Variants in ANKRD44 observed in about 807,000 individuals in gnomAD.
ANKRD44 encodes serine/threonine-protein phosphatase 6 regulatory ankyrin repeat subunit B.
A neutral mutation model predicts 116.0 loss-of-function variants in ANKRD44; 35 were observed. That is an observed-to-expected ratio of 0.30 (90% confidence interval 0.23 to 0.40). The LOEUF is 0.40. Ranked by LOEUF, ANKRD44 falls within the 10% of genes least tolerant of loss-of-function variation. The pLI, the probability that ANKRD44 is intolerant of heterozygous loss-of-function variation, is 1.00. For synonymous variants in ANKRD44, 435 were observed against 461.8 expected, an observed-to-expected ratio of 0.94 and a Z score of 0.74; for missense variants, 1,014 against 1,242.6, an observed-to-expected ratio of 0.82 and a Z score of 2.77.
At chr2:197,245,735 T>G (rs1229445551) in intron 1 of ANKRD44, among the ~76,000 whole-genome samples, 1 of 152,204 alleles carries the variant, frequency 6.6e-6, no homozygotes, top group African/African-American at 2.4e-5. Flanking sequence ...TATGTATTAC[T>G]CTATTACTCT....
intron 16 of ANKRD44, among the ~76,000 whole-genome samples, chr2:197,067,342 C>T (rs2077456087): frequency 6.6e-6 from 1 of 152,178 alleles, no homozygotes; most frequent in Non-Finnish European, 1.5e-5. Flanking sequence ...AGAAGAAAAC[C>T]TAGGCAATGC....
At chr2:197,227,802 C>T (rs565685531) in intron 1 of ANKRD44, among the ~76,000 whole-genome samples, 1 of 152,156 alleles carries the variant, frequency 6.6e-6, no homozygotes, top group African/African-American at 2.4e-5. Flanking sequence ...ATAGGTAAAG[C>T]TCAGATAATA....
intron 18 of ANKRD44, 74 bp from the exon 19 acceptor site, chr2:197,009,105 T>G: frequency 7.7e-7 from 1 of 1,292,302 alleles, no homozygotes; most frequent in Non-Finnish European, 1.1e-6. Flanking sequence ...ACTTTTTCTT[T>G]TTTTTGAGAT....
intron 2 of ANKRD44, among the ~76,000 whole-genome samples, chr2:197,163,553 A>G (rs2080021336): frequency 6.6e-6 from 1 of 152,226 alleles, no homozygotes; most frequent in Non-Finnish European, 1.5e-5. Context: ...GGTGTGGAAC[A>G]TTTCCAGGCG....
intron 1 of ANKRD44, among the ~76,000 whole-genome samples, chr2:197,192,936 G>A (rs190093608): frequency 7.2e-5 from 11 of 152,260 alleles, no homozygotes; most frequent in Admixed American, 5.2e-4. Flanking sequence ...GTCTGAAAAT[G>A]TCTCCTACAG....
At chr2:197,283,354 T>C (rs2083318218) in intron 1 of ANKRD44, among the ~76,000 whole-genome samples, 1 of 152,244 alleles carries the variant, frequency 6.6e-6, no homozygotes, top group Admixed American at 6.5e-5. Flanking sequence ...TAAATATTTA[T>C]TGAGTTCTAT....
At chr2:197,006,014 G>A in intron 20 of ANKRD44, 104 bp from the exon 21 acceptor site, 1 of 1,025,942 alleles carries the variant, frequency 9.7e-7, no homozygotes. Context: ...CATATGCCTG[G>A]GTCTTTAAGG....
chr2:197,045,512 G>C (rs552820444), intron 16 of ANKRD44, among the ~76,000 whole-genome samples: 3 of 152,030 alleles, frequency 2.0e-5, no homozygotes, highest in Admixed American at 2.0e-4. Flanking sequence ...TAGCCTAAAA[G>C]CTCCTAAATT....
chr2:197,125,543 T>A, intron 5 of ANKRD44, 75 bp from the exon 6 acceptor site: 1 of 1,333,030 alleles, frequency 7.5e-7, no homozygotes, highest in South Asian at 1.2e-5. Flanking sequence ...GCAGATGATC[T>A]GAGCCAAATT....
At chr2:197,041,446 T>C (rs76520878) in intron 16 of ANKRD44, among the ~76,000 whole-genome samples, 12,663 of 152,168 alleles carry the variant, frequency 0.083, 693 homozygotes, top group African/African-American at 0.15. Flanking sequence ...CTATAGGCCT[T>C]GGCTCAAGCA....
At chr2:196,992,923 A>G (rs1440018241) in intron 27 of ANKRD44, 1 of 152,538 alleles carries the variant, frequency 6.6e-6, no homozygotes, top group Admixed American at 6.5e-5. Flanking sequence ...TTGCTCCCCA[A>G]GGTTAATAGG....
chr2:197,222,260 AGAAGAGGAGGAGGAGG>A (rs1293056821), intron 1 of ANKRD44, among the ~76,000 whole-genome samples: 2 of 152,150 alleles, frequency 1.3e-5, no homozygotes, highest in Non-Finnish European at 2.9e-5. Context: ...AGCAGACTCA[AGAAGAGGAGGAGGAGG>A]GTAGGGAAGG....
At chr2:197,191,972 C>A (rs959018477) in intron 1 of ANKRD44, among the ~76,000 whole-genome samples, 1 of 152,122 alleles carries the variant, frequency 6.6e-6, no homozygotes, top group Non-Finnish European at 1.5e-5. Context: ...AAAAAATATG[C>A]TACTGATGTC....
intron 9 of ANKRD44, among the ~76,000 whole-genome samples, chr2:197,110,062 C>T (rs1283293272): frequency 6.6e-6 from 1 of 152,056 alleles, no homozygotes; most frequent in African/African-American, 2.4e-5. Context: ...GTGCAACTTC[C>T]TCCTCCCGAG....
chr2:197,015,924 G>A (rs1339537020), intron 17 of ANKRD44: 4 of 530,552 alleles, frequency 7.5e-6, no homozygotes, highest in East Asian at 9.6e-5. Flanking sequence ...CCATGAAAGG[G>A]GGTAGTTTTG....
chr2:197,074,791 T>TTA (rs1430219853), intron 16 of ANKRD44, among the ~76,000 whole-genome samples: 2 of 152,198 alleles, frequency 1.3e-5, no homozygotes, highest in Non-Finnish European at 2.9e-5. Context: ...TAAGTCTGTC[T>TTA]TATACAGACA....
At chr2:197,125,697 G>T in intron 5 of ANKRD44, 140 bp downstream of exon 5, 2 of 1,045,280 alleles carry the variant, frequency 1.9e-6, no homozygotes, top group Non-Finnish European at 1.4e-6. Context: ...CTCTAAAGTT[G>T]AGAATGATAT....
At chr2:197,215,590 C>G (rs1165078691) in intron 1 of ANKRD44, among the ~76,000 whole-genome samples, 2 of 152,002 alleles carry the variant, frequency 1.3e-5, no homozygotes, top group Admixed American at 6.6e-5. Context: ...TAAATGAAAT[C>G]AAATCAAATA....
At chr2:196,984,816 C>T (rs1308672025), downstream of ANKRD44, among the ~76,000 whole-genome samples, 5 of 152,200 alleles carry the variant, frequency 3.3e-5, no homozygotes, top group East Asian at 9.6e-4. Flanking sequence ...GATGTTACAG[C>T]CTCAAAGGAC....
Sources: gnomAD v4.1 joint callset for allele counts (sites outside exome capture counted in the v4.1 genomes callset) on GRCh38, gnomAD v4.1.1 for gene constraint, MANE v1.5 for transcripts, NCBI Gene and HGNC (gene_info 2026-07-23, HGNC 2026-07-21) for gene names.